The following GPR158 variants were observed in gnomAD, a reference collection of about 807,000 sequenced individuals.
GPR158 encodes metabotropic glycine receptor.
A neutral mutation model predicts 78.2 loss-of-function variants in GPR158; 30 were observed. The observed-to-expected ratio is 0.38, with a 90% CI of 0.29 to 0.52. The LOEUF (loss-of-function observed/expected upper bound fraction) is 0.52, where lower values mean the gene tolerates loss of function less well. GPR158 is among the 20% of genes least tolerant of loss of function. GPR158 has a pLI of 0.83. For synonymous variants in GPR158, 581 were observed against 591.1 expected (o/e 0.98, Z 0.25); for missense variants, 1,463 against 1,523.5 (o/e 0.96, Z 0.66).
intron 7 of GPR158, among the ~76,000 whole-genome samples, chr10:25,582,872 T>C (rs1016338732): frequency 1.4e-4 from 21 of 152,206 alleles, no homozygotes; most frequent in Admixed American, 3.9e-4. Flanking sequence ...GCTCCTTTAA[T>C]TACCACAGGC....
At chr10:25,451,505 CA>C (rs1432573085) in intron 4 of GPR158, among the ~76,000 whole-genome samples, 1 of 152,116 alleles carries the variant, frequency 6.6e-6, no homozygotes, top group African/African-American at 2.4e-5. Context: ...ATTTCACACA[CA>C]TTTTTATATT....
At chr10:25,451,709 T>C (rs1270523144) in intron 4 of GPR158, among the ~76,000 whole-genome samples, 1 of 152,222 alleles carries the variant, frequency 6.6e-6, no homozygotes, top group African/African-American at 2.4e-5. Flanking sequence ...TTTTCAATTA[T>C]AAAGCGCGTA....
chr10:25,478,801 C>CCCG (rs1564466711), intron 5 of GPR158, among the ~76,000 whole-genome samples: 1 of 124,408 alleles, frequency 8.0e-6, no homozygotes, highest in East Asian at 2.5e-4. Flanking sequence ...TCCCTCCCCC[C>CCCG]ACCCCACGAC....
At chr10:25,368,920 C>G (rs1430820855) in intron 2 of GPR158, among the ~76,000 whole-genome samples, 1 of 147,378 alleles carries the variant, frequency 6.8e-6, no homozygotes, top group African/African-American at 2.5e-5. Context: ...GTATTTTATT[C>G]TCTTTGAAGC....
chr10:25,487,019 C>G (rs1835744565), intron 5 of GPR158, among the ~76,000 whole-genome samples: 1 of 152,100 alleles, frequency 6.6e-6, no homozygotes, highest in African/African-American at 2.4e-5. Context: ...GCTAGTCCCT[C>G]TTGGTATGTT....
chr10:25,267,258 TG>T (rs1854056187), intron 2 of GPR158, among the ~76,000 whole-genome samples: 1 of 152,282 alleles, frequency 6.6e-6, no homozygotes, highest in Non-Finnish European at 1.5e-5. Context: ...TCAGCTTGGC[TG>T]GGGAGGCCTC....
At chr10:25,292,012 A>G (rs556423885) in intron 2 of GPR158, among the ~76,000 whole-genome samples, 1 of 152,230 alleles carries the variant, frequency 6.6e-6, no homozygotes, top group East Asian at 1.9e-4. Context: ...AGATTTTTGC[A>G]TAAACTTGGC....
intron 2 of GPR158, among the ~76,000 whole-genome samples, chr10:25,329,262 C>G (rs900066107): frequency 4.0e-5 from 6 of 151,816 alleles, no homozygotes; most frequent in Non-Finnish European, 7.4e-5. Context: ...CGGTGAAACC[C>G]TGTCTCTACT....
At chr10:25,564,063 ATTC>A (rs1297528086) in intron 6 of GPR158, among the ~76,000 whole-genome samples, 2 of 151,942 alleles carry the variant, frequency 1.3e-5, no homozygotes, top group African/African-American at 4.8e-5. Context: ...TATAGTCTGT[ATTC>A]TTTGTTTTGT....
At chr10:25,596,915 A>G (rs1837416320) in intron 10 of GPR158, 126 bp downstream of exon 10, 7 of 757,176 alleles carry the variant, frequency 9.2e-6, no homozygotes, top group Non-Finnish European at 1.5e-5. Flanking sequence ...TGTCTCAGAA[A>G]GAGGGAATGT....
chr10:25,361,050 T>C (rs1379937617), intron 2 of GPR158, among the ~76,000 whole-genome samples: 1 of 151,924 alleles, frequency 6.6e-6, no homozygotes, highest in Non-Finnish European at 1.5e-5. Flanking sequence ...ATCTTGCAGA[T>C]TTGAAACTCT....
In GPR158 at chr10:25,251,438, G is replaced by T. The variant is rs565741084; in HGVS notation, c.1008+30281G>T. Among the ~76,000 whole-genome samples, 92 of 152,062 alleles carry T rather than the reference G, an allele frequency of 6.1e-4. 1 individual carries two copies. The highest frequency in any genetic ancestry group is 2.0e-3 in the African/African-American group (83 of 41,412). On this transcript the variant is annotated intron_variant, in intron 2 of 10. Transcript: ENST00000376351. ...GGTCTTTACATTTTGGCATGAATTT[G>T]CAGCGGCTGGTACTGGTTGTTCCTT...
At chr10:25,364,446 T>G (rs1040536453) in intron 2 of GPR158, among the ~76,000 whole-genome samples, 2 of 151,932 alleles carry the variant, frequency 1.3e-5, no homozygotes, top group African/African-American at 4.8e-5. Flanking sequence ...TGAATAATGA[T>G]TTGAAGTACA....
chr10:25,473,728 T>G (rs1835542737), intron 5 of GPR158, among the ~76,000 whole-genome samples: 2 of 152,164 alleles, frequency 1.3e-5, no homozygotes, highest in Non-Finnish European at 1.5e-5. Context: ...CTAGGTTTTC[T>G]AGTTTATTTG....
At chr10:25,197,059 C>G (rs1384674664) in intron 1 of GPR158, among the ~76,000 whole-genome samples, 3 of 152,232 alleles carry the variant, frequency 2.0e-5, no homozygotes, top group Non-Finnish European at 4.4e-5. Context: ...CTTCTCCTCA[C>G]TGTACTTGCT....
At chr10:25,571,783 T>C (rs1338761883) in intron 6 of GPR158, among the ~76,000 whole-genome samples, 1 of 152,170 alleles carries the variant, frequency 6.6e-6, no homozygotes, top group Non-Finnish European at 1.5e-5. Flanking sequence ...TCTAATCTAG[T>C]AGTTCTCAAC....
chr10:25,349,241 C>A (rs1855419666), intron 2 of GPR158, among the ~76,000 whole-genome samples: 2 of 151,882 alleles, frequency 1.3e-5, no homozygotes, highest in Admixed American at 6.6e-5. Context: ...ACCTCTGCTT[C>A]TGTTGTCTCA....
At chr10:25,251,006 G>A (rs1341658435) in intron 2 of GPR158, among the ~76,000 whole-genome samples, 2 of 151,618 alleles carry the variant, frequency 1.3e-5, no homozygotes, top group African/African-American at 2.4e-5. Flanking sequence ...CCTGTATTGG[G>A]TGCATATATA....
At chr10:25,274,965 A>T (rs1398567795) in intron 2 of GPR158, among the ~76,000 whole-genome samples, 1 of 152,206 alleles carries the variant, frequency 6.6e-6, no homozygotes, top group African/African-American at 2.4e-5. Flanking sequence ...TGCTGGAATT[A>T]ATAGAAATGT....
Sources: gnomAD v4.1 joint callset for allele counts (sites outside exome capture counted in the v4.1 genomes callset) on GRCh38, gnomAD v4.1.1 for gene constraint, MANE v1.5 for transcripts, NCBI Gene and HGNC (gene_info 2026-07-23, HGNC 2026-07-21) for gene names.